Variants in ZBTB38 observed in about 807,000 individuals in gnomAD.
ZBTB38 encodes the protein zinc finger and BTB domain containing 38.
In ZBTB38, 20 loss-of-function variants were observed where a neutral mutation model predicts 76.8. That is an observed-to-expected ratio of 0.26 (90% CI 0.18 to 0.38). The LOEUF (loss-of-function observed/expected upper bound fraction) is 0.38. Ranked by LOEUF, ZBTB38 falls within the 10% of genes least tolerant of loss-of-function variation. ZBTB38 has a pLI of 1.00. For missense variants in ZBTB38, 1,082 were observed against 1,482.3 expected (o/e 0.73, Z 4.43); for synonymous variants, 504 against 544.2 (o/e 0.93, Z 1.03).
At chr3:141,334,029 A>G (rs1373118837) in intron 1 of ZBTB38, among the ~76,000 whole-genome samples, 1 of 152,172 alleles carries the variant, frequency 6.6e-6, no homozygotes, top group African/African-American at 2.4e-5. Context: ...ACATGGAATC[A>G]AAATGTCTCC....
At chr3:141,406,865 C>A (rs1311197237) in intron 5 of ZBTB38, among the ~76,000 whole-genome samples, 1 of 152,130 alleles carries the variant, frequency 6.6e-6, no homozygotes, top group East Asian at 1.9e-4. Flanking sequence ...GGTGGATTCA[C>A]AAGTGCAAAG....
chr3:141,424,481 C>T (rs1182247061), intron 5 of ZBTB38, among the ~76,000 whole-genome samples: 1 of 152,152 alleles, frequency 6.6e-6, no homozygotes, highest in Non-Finnish European at 1.5e-5. Context: ...GATCAAGCTA[C>T]TGCACTCCAG....
chr3:141,353,603 C>T (rs1024102521), intron 1 of ZBTB38, among the ~76,000 whole-genome samples: 5 of 152,090 alleles, frequency 3.3e-5, no homozygotes, highest in South Asian at 2.1e-4. Context: ...AACAATGGCT[C>T]CACTATCATT....
At chr3:141,441,298 G>T (rs2080159166) in intron 5 of ZBTB38, among the ~76,000 whole-genome samples, 1 of 152,102 alleles carries the variant, frequency 6.6e-6, no homozygotes, top group Non-Finnish European at 1.5e-5. Flanking sequence ...GAATGGAGAT[G>T]GGATCCTCAG....
chr3:141,336,351 T>C (rs1433993890), intron 1 of ZBTB38, among the ~76,000 whole-genome samples: 5 of 151,832 alleles, frequency 3.3e-5, no homozygotes, highest in African/African-American at 7.3e-5. Context: ...CTGGCATGGT[T>C]TTCTATTTGC....
intron 1 of ZBTB38, among the ~76,000 whole-genome samples, chr3:141,352,199 G>GA (rs1388134422): frequency 2.9e-4 from 44 of 152,218 alleles, no homozygotes; most frequent in African/African-American, 1.1e-3. Context: ...AAATAGAGCA[G>GA]AAAAAGAAGC....
At chr3:141,416,547 C>G (rs2074093026) in intron 5 of ZBTB38, among the ~76,000 whole-genome samples, 1 of 152,210 alleles carries the variant, frequency 6.6e-6, no homozygotes, top group South Asian at 2.1e-4. Context: ...CCAGCTCCCT[C>G]TCACATTCAT....
At chr3:141,394,000 CTTTCTTTCT>C (rs1949686293) in intron 4 of ZBTB38, among the ~76,000 whole-genome samples, 1 of 142,120 alleles carries the variant, frequency 7.0e-6, no homozygotes, top group Non-Finnish European at 1.5e-5. Context: ...TTTTTTTTTT[CTTTCTTTCT>C]TTTCTTTCTT....
chr3:141,426,469 C>A (rs1254640756), intron 5 of ZBTB38, among the ~76,000 whole-genome samples: 1 of 152,176 alleles, frequency 6.6e-6, no homozygotes, highest in Non-Finnish European at 1.5e-5. Context: ...CATGACCCAG[C>A]AGCAGGCCAC....
At chr3:141,340,919 G>GAAAA (rs1943155361) in intron 1 of ZBTB38, among the ~76,000 whole-genome samples, 2 of 44,720 alleles carry the variant, frequency 4.5e-5, no homozygotes, top group Non-Finnish European at 8.0e-5. Flanking sequence ...GAAAAGAAAA[G>GAAAA]GAAAGGAAAA....
At chr3:141,367,379 C>T (rs968722936), upstream of ZBTB38, 1 of 152,428 alleles carries the variant, frequency 6.6e-6, no homozygotes, top group African/African-American at 2.4e-5. Flanking sequence ...ATTCGCCCTC[C>T]TGGCTACGCT....
chr3:141,355,093 A>T (rs1045833004), intron 1 of ZBTB38, among the ~76,000 whole-genome samples: 19 of 152,222 alleles, frequency 1.2e-4, no homozygotes, highest in East Asian at 7.7e-4. Context: ...AGAGGTAAAG[A>T]TTACAATGAG....
At chr3:141,390,664 A>G (rs1330942312) in intron 4 of ZBTB38, among the ~76,000 whole-genome samples, 3 of 152,216 alleles carry the variant, frequency 2.0e-5, no homozygotes, top group Non-Finnish European at 4.4e-5. Context: ...CATGTGGTTC[A>G]TTCTAACAGC....
intron 1 of ZBTB38, among the ~76,000 whole-genome samples, chr3:141,347,180 C>T (rs1420378364): frequency 2.0e-5 from 3 of 152,160 alleles, no homozygotes; most frequent in African/African-American, 7.2e-5. Context: ...TGTAGTTGTG[C>T]ATCTTAGACT....
Position 141,413,235 on chromosome 3 carries a change from G to A in ZBTB38, c.-1+9204G>A, listed in dbSNP as rs539339686. 2.0e-5 allele frequency among the ~76,000 whole-genome samples: 3 copies of A among 152,352 alleles called. No individual in the cohort carries two copies. In the South Asian group the frequency reaches 6.2e-4, roughly 32 times the overall value. On this transcript the variant is annotated intron_variant, in intron 5 of 5. Coordinates refer to ENST00000321464, the MANE Select transcript of ZBTB38 (RefSeq NM_001376113.1). The surrounding 1 kb of genome is among the most constrained non-coding windows in gnomAD (Gnocchi z 4.1). Reference sequence around the variant, plus strand: ...GCCAGGTGTCTGTTGACAGTGGGGAGGAGGTGGGGAAGACCCAGCCGGCCG... The same window carrying A: ...GCCAGGTGTCTGTTGACAGTGGGGAAGAGGTGGGGAAGACCCAGCCGGCCG...
In ZBTB38 at chr3:141,413,399, T is replaced by C. The variant is rs1161617544; in HGVS notation, c.-1+9368T>C. On this transcript the variant is annotated intron_variant, in intron 5 of 5. Coordinates refer to ENST00000321464, the MANE Select transcript of ZBTB38 (RefSeq NM_001376113.1). This position sits in a 1 kb window ranked among gnomAD's most constrained non-coding sequence, Gnocchi z 4.1. ...TTCCTGGGTTTAGCCACCATTTTCATTGAGCAGTTCTGAGGATTCCTTGTG... is the reference window on the plus strand; with the variant it reads ...TTCCTGGGTTTAGCCACCATTTTCACTGAGCAGTTCTGAGGATTCCTTGTG... 2.0e-5 allele frequency among the ~76,000 whole-genome samples: 3 copies of C among 152,204 alleles called. No individual in the cohort carries two copies. The highest frequency in any genetic ancestry group is 4.8e-5 in the African/African-American group (2 of 41,454).
chr3:141,445,864 G>C lies in ZBTB38; in HGVS notation c.3476G>C (p.Gly1159Ala), dbSNP rs1362879367. The change falls in exon 6 of 6, where the codon GGT (glycine) becomes GCT (alanine). Residue 1159 changes from glycine to alanine, a missense_variant. Gly to Ala is a moderately conservative substitution (Grantham distance 60). Around this residue, in one of 8 missense-constraint regions of ZBTB38, gnomAD observed 54 missense variants for 57.9 expected, o/e 0.93. Coordinates refer to ENST00000321464, the MANE Select transcript of ZBTB38 (RefSeq NM_001376113.1). The surrounding 1 kb of genome is among the most constrained non-coding windows in gnomAD (Gnocchi z 6.5). ...FKSPSQQEKIGDVCHENSNPL... is the reference protein window; with the variant it reads ...FKSPSQQEKIADVCHENSNPL... ...AGCCCAAGTCAGCAGGAGAAAATAG[G>C]TGACGTGTGCCACGAAAACTCAAAT... is the stretch of plus-strand genomic sequence containing the variant. 2.5e-6 allele frequency: 4 copies of C among 1,613,162 alleles called. No homozygotes were observed. Among genetic ancestry groups the C allele is most frequent in the Non-Finnish European group, 3.4e-6 (4 of 1,180,038 alleles).
chr3:141,338,843 G>C (rs571443631), intron 1 of ZBTB38, among the ~76,000 whole-genome samples: 17 of 152,226 alleles, frequency 1.1e-4, no homozygotes, highest in African/African-American at 4.1e-4. Context: ...ACAAAGATGA[G>C]ATCTTTGCCC....
At chr3:141,432,316 C>A in intron 5 of ZBTB38, 1 of 974,408 alleles carries the variant, frequency 1.0e-6, no homozygotes, top group Non-Finnish European at 1.2e-6. Context: ...TAGAAGACAA[C>A]TTGCCATAGA....
Sources: allele counts gnomAD v4.1 joint callset (sites outside exome capture counted in the v4.1 genomes callset), GRCh38; gene constraint gnomAD v4.1.1; regional missense constraint gnomAD v4.1.1; non-coding constraint Gnocchi (gnomAD v3.1); transcripts MANE v1.5; gene names NCBI Gene and HGNC (gene_info 2026-07-23, HGNC 2026-07-21).